STK32B: variants seen among roughly 807,000 people sequenced by gnomAD.
STK32B encodes the protein serine/threonine-protein kinase 32B.
A neutral mutation model predicts 52.6 loss-of-function variants in STK32B; 43 were observed. The ratio of observed to expected loss-of-function variants is 0.82; its 90% CI spans 0.64 to 1.05. STK32B has a LOEUF of 1.05. STK32B is among the 50% of genes least tolerant of loss of function. STK32B has a pLI of 0.00. For missense variants in STK32B, 621 were observed against 534.6 expected (o/e 1.16, Z -1.59); for synonymous variants, 238 against 204.3 (o/e 1.17, Z -1.41).
At chr4:5,041,016 C>T in the STK32B span, among the ~76,000 whole-genome samples, 1 of 152,172 alleles carries the variant, frequency 6.6e-6, no homozygotes, top group Non-Finnish European at 1.5e-5. Flanking sequence ...ATGGAGACAT[C>T]GTTATGTGTC....
chr4:5,295,858 T>A (rs1729164568), intron 3 of STK32B, among the ~76,000 whole-genome samples: 2 of 152,322 alleles, frequency 1.3e-5, no homozygotes, highest in South Asian at 4.1e-4. Context: ...CTAATTGTGT[T>A]ATGGTGTCGA....
At chr4:5,471,770 C>T (rs1258200070) in intron 11 of STK32B, among the ~76,000 whole-genome samples, 1 of 152,112 alleles carries the variant, frequency 6.6e-6, no homozygotes, top group African/African-American at 2.4e-5. Context: ...GGTGCATCCT[C>T]TAGTGGGTTC....
chr4:5,357,473 G>A (rs1245793070), intron 4 of STK32B, among the ~76,000 whole-genome samples: 3 of 152,024 alleles, frequency 2.0e-5, no homozygotes, highest in South Asian at 2.1e-4. Context: ...ATAAAATCTG[G>A]CATCAAGGAT....
intron 8 of STK32B, among the ~76,000 whole-genome samples, chr4:5,459,181 G>T (rs1015816575): frequency 4.6e-5 from 7 of 152,162 alleles, no homozygotes; most frequent in Admixed American, 4.6e-4. Flanking sequence ...GGCTGTGACT[G>T]CAGCCACTCA....
chr4:5,254,929 G>A (rs1056468154), intron 3 of STK32B, among the ~76,000 whole-genome samples: 23 of 147,624 alleles, frequency 1.6e-4, no homozygotes, highest in Non-Finnish European at 3.4e-4. Context: ...TCCATATATA[G>A]GATTCTTAGC....
chr4:5,245,466 G>T (rs1046614306), intron 3 of STK32B, among the ~76,000 whole-genome samples: 2 of 151,244 alleles, frequency 1.3e-5, no homozygotes, highest in South Asian at 4.2e-4. Context: ...TTGAGCCTAC[G>T]TGAGCACGTG....
chr4:5,287,936 G>A (rs1046529361), intron 3 of STK32B, among the ~76,000 whole-genome samples: 1 of 151,976 alleles, frequency 6.6e-6, no homozygotes, highest in African/African-American at 2.4e-5. Context: ...GCTCCTCCTA[G>A]CCCCCAGAAA....
intron 3 of STK32B, among the ~76,000 whole-genome samples, chr4:5,306,892 A>T (rs1167006967): frequency 6.6e-6 from 1 of 152,112 alleles, no homozygotes; most frequent in Non-Finnish European, 1.5e-5. Context: ...TCCTTCATTT[A>T]TGAAGCTTAG....
chr4:5,321,272 A>T (rs79528112), intron 3 of STK32B, among the ~76,000 whole-genome samples: 4,419 of 151,574 alleles, frequency 0.029, 212 homozygotes, highest in African/African-American at 0.1. Flanking sequence ...AATGGTATTA[A>T]AAAAAAAGCA....
At chr4:5,350,673 T>C (rs1733767111) in intron 4 of STK32B, among the ~76,000 whole-genome samples, 1 of 152,148 alleles carries the variant, frequency 6.6e-6, no homozygotes, top group African/African-American at 2.4e-5. Flanking sequence ...GATTAAACTT[T>C]CTACTTAAAA....
intron 11 of STK32B, among the ~76,000 whole-genome samples, chr4:5,497,063 A>T (rs1720327382): frequency 6.6e-6 from 1 of 152,106 alleles, no homozygotes; most frequent in African/African-American, 2.4e-5. Flanking sequence ...ATTTTTTTTT[A>T]GCCTCAAGAT....
intron 4 of STK32B, among the ~76,000 whole-genome samples, chr4:5,352,693 A>G (rs192858529): frequency 7.0e-4 from 107 of 151,890 alleles, no homozygotes; most frequent in African/African-American, 2.5e-3. Context: ...TGATATCTAG[A>G]AAAACCGAAA....
intron 2 of STK32B, among the ~76,000 whole-genome samples, chr4:5,158,523 A>C (rs1718048843): frequency 6.6e-6 from 1 of 152,064 alleles, no homozygotes; most frequent in Admixed American, 6.6e-5. Flanking sequence ...GTAATTGTAT[A>C]CTTAGGATCC....
the STK32B span, among the ~76,000 whole-genome samples, chr4:5,040,238 A>G: frequency 5.3e-5 from 8 of 152,164 alleles, no homozygotes; most frequent in Admixed American, 5.2e-4. Flanking sequence ...TGTAAAAAGA[A>G]AGAAGGGGTA....
Position 5,470,280 on chromosome 4 carries a change from C to T in STK32B, c.1106+2210C>T, listed in dbSNP as rs1009814257. On this transcript the variant is annotated intron_variant, in intron 11 of 11. Transcript: ENST00000282908. The surrounding 1 kb of genome is among the most constrained non-coding windows in gnomAD (Gnocchi z 4.6). ...GGAAATGCAGTTGGCCTGTGGACAC[C>T]CCTGAGATTTGCAGTCAGCCTATGG... Among the ~76,000 whole-genome samples the T allele has an allele frequency of 6.6e-6, 1 of 152,086 alleles. No homozygotes were observed. Among genetic ancestry groups the T allele is most frequent in the African/African-American group, 2.4e-5 (1 of 41,410 alleles).
At chr4:5,244,420 A>G (rs1354190279) in intron 3 of STK32B, among the ~76,000 whole-genome samples, 1 of 152,136 alleles carries the variant, frequency 6.6e-6, no homozygotes, top group Admixed American at 6.5e-5. Context: ...ATTGGTGGTG[A>G]TATGCCCATT....
intron 3 of STK32B, among the ~76,000 whole-genome samples, chr4:5,246,192 C>T (rs192146413): frequency 5.9e-5 from 9 of 152,314 alleles, no homozygotes; most frequent in South Asian, 2.1e-4. Context: ...CCTTTCTCCC[C>T]GTCACTTTCA....
rs567833655 is a variant in STK32B, at chr4:5,494,243, C to T, written c.1107-4702C>T. Among the ~76,000 whole-genome samples, 408 of 152,218 alleles carry T rather than the reference C, an allele frequency of 2.7e-3. 1 individual carries two copies. The highest frequency in any genetic ancestry group is 8.9e-3 in the African/African-American group (368 of 41,514). On this transcript the variant is annotated intron_variant, in intron 11 of 11. Coordinates refer to ENST00000282908, the MANE Select transcript of STK32B (RefSeq NM_018401.3). ...ATCTTTGTGGGTCACTCAGGACTTG[C>T]TTTATGAATCTGGGTGCTCCTGTAT...
rs577784115 is a variant in STK32B, at chr4:5,275,225, GTGA to G, written c.261-55989_261-55987del. Among the ~76,000 whole-genome samples, 468 of 152,320 alleles carry G rather than the reference GTGA, an allele frequency of 3.1e-3. 2 individuals carry two copies. Among genetic ancestry groups the G allele is most frequent in the Non-Finnish European group, 5.7e-3 (385 of 68,030 alleles). Reference sequence around the variant, plus strand: ...AACAAAACCAATTATATAATATTAAGTGATGATGTAGATTCAACTTAGTTACAT... The same window carrying G: ...AACAAAACCAATTATATAATATTAAGTGATGTAGATTCAACTTAGTTACAT... On this transcript the variant is annotated intron_variant, in intron 3 of 11. Transcript: ENST00000282908.
Sources: allele counts gnomAD v4.1 joint callset (sites outside exome capture counted in the v4.1 genomes callset), GRCh38; gene constraint gnomAD v4.1.1; non-coding constraint Gnocchi (gnomAD v3.1); transcripts MANE v1.5; gene names NCBI Gene and HGNC (gene_info 2026-07-23, HGNC 2026-07-21).